MTMR2: variants seen among roughly 807,000 people sequenced by gnomAD.
MTMR2 encodes the protein phosphatidylinositol-3,5-bisphosphate 3-phosphatase MTMR2.
In MTMR2, 55 loss-of-function variants were observed where a neutral mutation model predicts 86.9. The observed-to-expected ratio is 0.63, with a 90% confidence interval of 0.51 to 0.79. The LOEUF (loss-of-function observed/expected upper bound fraction) is 0.79. Among genes scored for constraint, MTMR2 ranks in the 30% least tolerant of loss-of-function variants. The pLI is 0.00. For missense variants in MTMR2, 659 were observed against 772.3 expected (o/e 0.85, Z 1.74); for synonymous variants, 241 against 266.8 (o/e 0.90, Z 0.94).
At chr11:95,851,149 G>A (rs1263632830) in intron 7 of MTMR2, among the ~76,000 whole-genome samples, 6 of 131,830 alleles carry the variant, frequency 4.6e-5, no homozygotes, top group Admixed American at 2.7e-4. Flanking sequence ...TGCAACCTCC[G>A]CCTCCTGGGT....
rs71040121 is a variant in MTMR2, at chr11:95,910,127, GCACA to G, written c.80+13744_80+13747del. 5.9e-4 allele frequency among the ~76,000 whole-genome samples: 87 copies of G among 147,246 alleles called. 1 individual carries two copies. The highest frequency in any genetic ancestry group is 2.0e-3 in the East Asian group (10 of 4,942). On this transcript the variant is annotated intron_variant, in intron 1 of 14. Transcript: ENST00000346299. ...CACACACACACACGCACGCATGCAC[GCACA>G]CACACACACACACACACCCTACATG... is the stretch of plus-strand genomic sequence containing the variant.
At chr11:95,908,251 T>C (rs1340178469) in intron 1 of MTMR2, among the ~76,000 whole-genome samples, 1 of 150,640 alleles carries the variant, frequency 6.6e-6, no homozygotes, top group South Asian at 2.1e-4. Context: ...ACAATACCTA[T>C]AAAAAAAATA....
chr11:95,906,659 T>C (rs576032376), intron 1 of MTMR2, among the ~76,000 whole-genome samples: 33 of 152,188 alleles, frequency 2.2e-4, no homozygotes, highest in African/African-American at 7.9e-4. Context: ...CTCAACAAAT[T>C]TAAAGAAACC....
intron 2 of MTMR2, among the ~76,000 whole-genome samples, chr11:95,872,128 T>G (rs1034085850): frequency 5.9e-5 from 9 of 152,204 alleles, no homozygotes; most frequent in African/African-American, 1.9e-4. Flanking sequence ...CCATATGAAC[T>G]TTAAAGTAGT....
chr11:95,864,662 A>C (rs1314061037), intron 3 of MTMR2, among the ~76,000 whole-genome samples: 1 of 152,152 alleles, frequency 6.6e-6, no homozygotes, highest in African/African-American at 2.4e-5. Flanking sequence ...TGTATATATA[A>C]GGCTAACTGG....
At chr11:95,853,511 C>T (rs1025752279) in intron 7 of MTMR2, among the ~76,000 whole-genome samples, 4 of 152,192 alleles carry the variant, frequency 2.6e-5, no homozygotes, top group Non-Finnish European at 5.9e-5. Context: ...CTTTACCAGA[C>T]TTAGCAAAGC....
At chr11:95,920,117 CCAA>C (rs1313656153) in intron 1 of MTMR2, among the ~76,000 whole-genome samples, 1 of 151,988 alleles carries the variant, frequency 6.6e-6, no homozygotes, top group Non-Finnish European at 1.5e-5. Context: ...CAGAGCACAC[CCAA>C]CAAAAGTAAA....
At chr11:95,871,759 T>C (rs188301104) in intron 2 of MTMR2, among the ~76,000 whole-genome samples, 1 of 152,238 alleles carries the variant, frequency 6.6e-6, no homozygotes, top group Non-Finnish European at 1.5e-5. Flanking sequence ...TTTGTCAATT[T>C]TGGCTTTTGT....
chr11:95,905,328 T>TGCGCGCGCGCGC (rs201740423), intron 1 of MTMR2, among the ~76,000 whole-genome samples: 755 of 47,822 alleles, frequency 0.016, 7 homozygotes, highest in African/African-American at 0.043. Context: ...CGCACGCACC[T>TGCGCGCGCGCGC]GCGCACACAC....
chr11:95,878,084 G>A (rs118142708), intron 2 of MTMR2, among the ~76,000 whole-genome samples: 2,478 of 150,682 alleles, frequency 0.016, 32 homozygotes, highest in South Asian at 0.062. Flanking sequence ...ATTGTGGTAC[G>A]TCATACAAAG....
chr11:95,899,031 T>C (rs907794716), intron 1 of MTMR2, among the ~76,000 whole-genome samples: 19 of 152,280 alleles, frequency 1.2e-4, no homozygotes, highest in African/African-American at 3.6e-4. Flanking sequence ...GAATAATAAG[T>C]TGATATTTCT....
At chr11:95,911,407 T>C (rs1051583764) in intron 1 of MTMR2, among the ~76,000 whole-genome samples, 1 of 152,186 alleles carries the variant, frequency 6.6e-6, no homozygotes, top group Non-Finnish European at 1.5e-5. Flanking sequence ...AAAGAACTTA[T>C]TGGGAAATTT....
At chr11:95,923,660 G>T in intron 1 of MTMR2, 1 of 1,421,878 alleles carries the variant, frequency 7.0e-7, no homozygotes, top group Non-Finnish European at 9.2e-7. Context: ...ATGAAAGGTA[G>T]AGGAATCGAT....
chr11:95,863,832 T>C (rs1232254102), intron 3 of MTMR2, among the ~76,000 whole-genome samples: 2 of 152,320 alleles, frequency 1.3e-5, no homozygotes, highest in Non-Finnish European at 2.9e-5. Flanking sequence ...CCTATGTTAC[T>C]ATTATCATCA....
chr11:95,900,719 ATGTGCG>A (rs1191029471), intron 1 of MTMR2, among the ~76,000 whole-genome samples: 2 of 152,128 alleles, frequency 1.3e-5, no homozygotes, highest in African/African-American at 2.4e-5. Flanking sequence ...GTGTGTGTGC[ATGTGCG>A]TGTGCACGCA....
chr11:95,897,316 TAC>T (rs1396896437), intron 1 of MTMR2, among the ~76,000 whole-genome samples: 2 of 152,098 alleles, frequency 1.3e-5, no homozygotes, highest in Non-Finnish European at 2.9e-5. Context: ...AAATTTTTTA[TAC>T]ACACACGATG....
At chr11:95,898,713 T>G (rs570788707) in intron 1 of MTMR2, among the ~76,000 whole-genome samples, 1 of 152,252 alleles carries the variant, frequency 6.6e-6, no homozygotes, top group South Asian at 2.1e-4. Context: ...CACAATAATA[T>G]TGGGGAGAGA....
intron 7 of MTMR2, among the ~76,000 whole-genome samples, chr11:95,855,607 A>G (rs556804182): frequency 3.8e-4 from 58 of 152,144 alleles, no homozygotes; most frequent in African/African-American, 1.3e-3. Flanking sequence ...TTAAGTGTAG[A>G]TCTGTTGAAT....
intron 1 of MTMR2, chr11:95,907,977 T>C: frequency 2.9e-6 from 1 of 348,518 alleles, no homozygotes; most frequent in Non-Finnish European, 5.6e-6. Flanking sequence ...ATATTCAACA[T>C]AACACTGTAA....
Sources: allele counts gnomAD v4.1 joint callset (sites outside exome capture counted in the v4.1 genomes callset), GRCh38; gene constraint gnomAD v4.1.1; transcripts MANE v1.5; gene names NCBI Gene and HGNC (gene_info 2026-07-23, HGNC 2026-07-21).